The following FYB2 variants were observed in gnomAD, a reference collection of about 807,000 sequenced individuals.
FYB2 encodes the protein FYN-binding protein 2.
A neutral mutation model predicts 94.1 loss-of-function variants in FYB2; 103 were observed. The observed-to-expected ratio is 1.09, with a 90% CI of 0.93 to 1.29. The LOEUF (loss-of-function observed/expected upper bound fraction) is 1.29. FYB2 is among the 50% of genes most tolerant of loss of function. The probability of loss-of-function intolerance (pLI) is 0.00; values close to 1 mark genes in which losing one functional copy is unlikely to be tolerated. For missense variants in FYB2, 896 were observed against 841.5 expected, an observed-to-expected ratio of 1.06 and a Z score of -0.80; for synonymous variants, 293 against 287.9, an observed-to-expected ratio of 1.02 and a Z score of -0.18.
intron 1 of FYB2, among the ~76,000 whole-genome samples, chr1:56,811,568 G>A (rs1646767370): frequency 2.0e-5 from 3 of 152,162 alleles, no homozygotes; most frequent in Non-Finnish European, 4.4e-5. Context: ...CATGACTCAA[G>A]ACAGTCACTG....
rs1644464974 is a variant in FYB2, at chr1:56,720,494, G to A, written c.1975-165C>T. On this transcript the variant is annotated intron_variant, in intron 17 of 19. Coordinates refer to ENST00000343433, the MANE Select transcript of FYB2 (RefSeq NM_001004303.5). The stretch of plus-strand genomic sequence containing the variant: ...AAAATAGGAAAGTATGCAGTTAAAG[G>A]AAAGTCGTTTAAGAAAATAATAGTA... 8 of 520,664 alleles carry A rather than the reference G, an allele frequency of 1.5e-5. No individual in the cohort carries two copies. In the East Asian group the frequency reaches 2.8e-4, roughly 18 times the overall value. 32.3% of individuals were successfully genotyped at this position (520,664 alleles called of 1,614,324 possible). A position where few individuals can be genotyped will look rare whatever the true frequency, so the allele number is the denominator to read the frequency against.
At chr1:56,737,175 C>T (rs1450059588) in intron 14 of FYB2, 28 bp from the exon 15 acceptor site, 10 of 1,527,590 alleles carry the variant, frequency 6.5e-6, no homozygotes, top group Non-Finnish European at 9.0e-6. Context: ...TCAAAATAGT[C>T]CATTATTAAG....
At chr1:56,761,356 A>G (rs1645489446) in intron 5 of FYB2, among the ~76,000 whole-genome samples, 1 of 152,234 alleles carries the variant, frequency 6.6e-6, no homozygotes. Flanking sequence ...TGACGAGGAA[A>G]CAGCCAGCCA....
At chr1:56,820,855 C>T (rs964110324), upstream of FYB2, among the ~76,000 whole-genome samples, 7 of 152,176 alleles carry the variant, frequency 4.6e-5, no homozygotes, top group African/African-American at 1.7e-4. Context: ...GAAAAACTCC[C>T]CAAAGCAGTA....
intron 5 of FYB2, among the ~76,000 whole-genome samples, chr1:56,764,402 T>G (rs1047505408): frequency 2.1e-5 from 3 of 145,976 alleles, no homozygotes; most frequent in African/African-American, 7.4e-5. Context: ...TTTTTGAAGC[T>G]CTTTTCATTT....
intron 15 of FYB2, chr1:56,731,793 A>G (rs1008420364): frequency 1.3e-5 from 2 of 152,182 alleles, no homozygotes; most frequent in Middle Eastern, 3.2e-3. Context: ...AAAATTCAAC[A>G]TCCTTTCATA....
intron 1 of FYB2, among the ~76,000 whole-genome samples, chr1:56,816,190 A>C (rs1022439983): frequency 3.9e-5 from 6 of 152,212 alleles, no homozygotes; most frequent in African/African-American, 1.4e-4. Context: ...AATTTGGACG[A>C]GGCTCAGCTG....
In FYB2 at chr1:56,739,848, A is replaced by T. The variant is rs541009817; in HGVS notation, c.1703+849T>A. ...AAGCATGTTTAAGATGAGCTAGGCTAAGCGATGATGTTTGGTAGATGTATT... is the reference window on the plus strand; with the variant it reads ...AAGCATGTTTAAGATGAGCTAGGCTTAGCGATGATGTTTGGTAGATGTATT... On this transcript the variant is annotated intron_variant, in intron 13 of 19. Coordinates refer to ENST00000343433, the MANE Select transcript of FYB2 (RefSeq NM_001004303.5). 3.3e-5 allele frequency among the ~76,000 whole-genome samples: 5 copies of T among 152,236 alleles called. No homozygotes were observed. The East Asian group carries it at 9.7e-4, about 29-fold the overall frequency.
At chr1:56,809,316 G>A (rs1426048525) in intron 1 of FYB2, among the ~76,000 whole-genome samples, 2 of 152,118 alleles carry the variant, frequency 1.3e-5, no homozygotes, top group African/African-American at 2.4e-5. Flanking sequence ...CATAATACAA[G>A]TATATTATTA....
At chr1:56,815,370 C>A (rs1483466700) in intron 1 of FYB2, among the ~76,000 whole-genome samples, 1 of 152,138 alleles carries the variant, frequency 6.6e-6, no homozygotes, top group East Asian at 1.9e-4. Context: ...TCCATCAAAG[C>A]TTGTGCCTTC....
At chr1:56,813,640 C>T (rs1268655703) in intron 1 of FYB2, among the ~76,000 whole-genome samples, 1 of 152,094 alleles carries the variant, frequency 6.6e-6, no homozygotes, top group Non-Finnish European at 1.5e-5. Flanking sequence ...GTTAGGACTT[C>T]AACATGAGTT....
At chr1:56,757,687 C>CTTCTTTTTTTCTTTCTTTCT (rs1645374093) in intron 6 of FYB2, among the ~76,000 whole-genome samples, 2 of 71,940 alleles carry the variant, frequency 2.8e-5, no homozygotes, top group African/African-American at 1.3e-4. Flanking sequence ...TCCTTCCTTC[C>CTTCTTTTTTTCTTTCTTTCT]TTCTTTCTTT....
intron 4 of FYB2, among the ~76,000 whole-genome samples, chr1:56,772,755 A>G (rs1432613372): frequency 6.6e-6 from 1 of 152,164 alleles, no homozygotes; most frequent in Non-Finnish European, 1.5e-5. Context: ...TCTATAAAAC[A>G]GTTATAATAA....
intron 15 of FYB2, among the ~76,000 whole-genome samples, chr1:56,730,407 AAGG>A (rs1314798341): frequency 1.3e-5 from 1 of 74,774 alleles, no homozygotes; most frequent in African/African-American, 5.8e-5. Flanking sequence ...AGGGGAGGGG[AAGG>A]AGGAGAGGGA....
At chr1:56,723,516 A>G in intron 17 of FYB2, 72 bp downstream of exon 17, 1 of 850,350 alleles carries the variant, frequency 1.2e-6, no homozygotes, top group Non-Finnish European at 1.8e-6. Context: ...CAGCATACTT[A>G]CAGATTTTTT....
chr1:56,772,841 G>T (rs1645791359), intron 4 of FYB2, among the ~76,000 whole-genome samples: 1 of 152,148 alleles, frequency 6.6e-6, no homozygotes, highest in African/African-American at 2.4e-5. Context: ...ACAAAAGTGT[G>T]CTGGTAATAT....
At chr1:56,808,349 C>G (rs767859754) in intron 1 of FYB2, among the ~76,000 whole-genome samples, 1 of 152,156 alleles carries the variant, frequency 6.6e-6, no homozygotes, top group Non-Finnish European at 1.5e-5. Context: ...AGAAATGCAA[C>G]TAAAGGGTGT....
intron 1 of FYB2, among the ~76,000 whole-genome samples, chr1:56,815,057 C>A (rs1430061041): frequency 6.6e-6 from 1 of 152,162 alleles, no homozygotes; most frequent in Non-Finnish European, 1.5e-5. Flanking sequence ...GTATATATGG[C>A]ATTGAAGGCC....
intron 15 of FYB2, among the ~76,000 whole-genome samples, chr1:56,728,550 T>TA (rs763241276): frequency 3.3e-5 from 5 of 152,096 alleles, no homozygotes; most frequent in East Asian, 3.9e-4. Context: ...CTTAAATAGA[T>TA]AAAGTTAGAC....
Sources: allele counts gnomAD v4.1 joint callset (sites outside exome capture counted in the v4.1 genomes callset), GRCh38; gene constraint gnomAD v4.1.1; transcripts MANE v1.5; gene names NCBI Gene and HGNC (gene_info 2026-07-23, HGNC 2026-07-21).